AUH: variants seen among roughly 807,000 people sequenced by gnomAD.
AUH encodes methylglutaconyl-CoA hydratase, mitochondrial.
In AUH, 29 loss-of-function variants were observed where a neutral mutation model predicts 42.3. The observed-to-expected ratio is 0.69, with a 90% CI of 0.51 to 0.93. The LOEUF is 0.93. Ranked by LOEUF, AUH falls within the 40% of genes least tolerant of loss-of-function variation. The probability of loss-of-function intolerance (pLI) is 0.00; values close to 1 mark genes in which losing one functional copy is unlikely to be tolerated. For missense variants in AUH, 452 were observed against 438.1 expected, an observed-to-expected ratio of 1.03 and a Z score of -0.28; for synonymous variants, 174 against 166.4, an observed-to-expected ratio of 1.05 and a Z score of -0.35.
At chr9:91,310,207 C>G (rs1445498155) in intron 4 of AUH, among the ~76,000 whole-genome samples, 4 of 152,210 alleles carry the variant, frequency 2.6e-5, no homozygotes, top group African/African-American at 9.7e-5. Context: ...TTCATTCTAT[C>G]ATTCTCAGTC....
intron 1 of AUH, chr9:91,360,205 C>G (rs1303415811): frequency 2.0e-5 from 3 of 152,188 alleles, no homozygotes; most frequent in Non-Finnish European, 4.4e-5. Flanking sequence ...AGTAGCTGTA[C>G]TTGCAATCCC....
intron 6 of AUH, among the ~76,000 whole-genome samples, chr9:91,288,080 G>A (rs1013000720): frequency 6.6e-6 from 1 of 152,004 alleles, no homozygotes; most frequent in Non-Finnish European, 1.5e-5. Flanking sequence ...GGAATTCACA[G>A]AGCAGTGGAA....
chr9:91,229,737 T>G (rs1259875361), intron 6 of AUH, among the ~76,000 whole-genome samples: 2 of 151,996 alleles, frequency 1.3e-5, no homozygotes, highest in African/African-American at 4.8e-5. Flanking sequence ...AGGAGCTCTT[T>G]TAGGGCAGGC....
chr9:91,356,005 G>GAAA, intron 2 of AUH, 35 bp from the exon 3 acceptor site: 2 of 1,367,008 alleles, frequency 1.5e-6, no homozygotes, highest in Non-Finnish European at 1.0e-6. Context: ...AGGAAAAAGA[G>GAAA]AAAAAAAAAA....
intron 8 of AUH, among the ~76,000 whole-genome samples, chr9:91,216,315 G>C (rs764086143): frequency 6.6e-5 from 10 of 152,128 alleles, no homozygotes; most frequent in Non-Finnish European, 1.5e-4. Context: ...TTACCTTGGG[G>C]AAGTTATTTA....
chr9:91,300,168 T>C (rs1236490117), intron 4 of AUH, among the ~76,000 whole-genome samples: 7 of 152,080 alleles, frequency 4.6e-5, no homozygotes, highest in Non-Finnish European at 8.8e-5. Flanking sequence ...TTCCTGCCTT[T>C]CCATCTACCT....
At chr9:91,299,815 C>A (rs1827643617) in intron 4 of AUH, among the ~76,000 whole-genome samples, 1 of 152,124 alleles carries the variant, frequency 6.6e-6, no homozygotes, top group Non-Finnish European at 1.5e-5. Context: ...AAAAACCTGT[C>A]TAGAGATCAT....
intron 6 of AUH, among the ~76,000 whole-genome samples, chr9:91,245,330 A>G (rs1366269534): frequency 6.6e-6 from 1 of 152,200 alleles, no homozygotes; most frequent in South Asian, 2.1e-4. Context: ...CCATGAGAAG[A>G]CAAAGGGGTG....
chr9:91,240,499 G>A (rs774567873), intron 6 of AUH, among the ~76,000 whole-genome samples: 1 of 152,142 alleles, frequency 6.6e-6, no homozygotes, highest in Non-Finnish European at 1.5e-5. Context: ...TAGTAAATTG[G>A]AGTGAAGGCC....
At chr9:91,243,249 T>C (rs1342101278) in intron 6 of AUH, among the ~76,000 whole-genome samples, 1 of 152,220 alleles carries the variant, frequency 6.6e-6, no homozygotes, top group Non-Finnish European at 1.5e-5. Flanking sequence ...ACCAGAAACC[T>C]GAGACCCATA....
chr9:91,250,858 C>T (rs1829087451), intron 6 of AUH, among the ~76,000 whole-genome samples: 1 of 152,212 alleles, frequency 6.6e-6, no homozygotes, highest in African/African-American at 2.4e-5. Context: ...CTGTTTCCTT[C>T]AACTTAGAGA....
intron 3 of AUH, among the ~76,000 whole-genome samples, chr9:91,328,562 T>C (rs940253296): frequency 2.6e-5 from 4 of 152,034 alleles, no homozygotes; most frequent in African/African-American, 7.3e-5. Context: ...TGTAATCTCC[T>C]GGAAGTGGGG....
At chr9:91,347,589 T>C (rs1016958662) in intron 3 of AUH, among the ~76,000 whole-genome samples, 4 of 152,190 alleles carry the variant, frequency 2.6e-5, no homozygotes, top group Non-Finnish European at 4.4e-5. Context: ...AAAAAGCACT[T>C]GGACCATTCA....
chr9:91,314,044 A>C (rs1828947937), intron 4 of AUH, among the ~76,000 whole-genome samples: 1 of 151,998 alleles, frequency 6.6e-6, no homozygotes, highest in Admixed American at 6.5e-5. Context: ...GGCTGGTCTC[A>C]AACTTCTGAC....
At chr9:91,259,905 A>G (rs1829619402) in intron 6 of AUH, among the ~76,000 whole-genome samples, 1 of 152,116 alleles carries the variant, frequency 6.6e-6, no homozygotes, top group South Asian at 2.1e-4. Context: ...AGTTCTCCGA[A>G]AATGTTAGGT....
At chr9:91,237,734 A>G (rs2066205266) in intron 6 of AUH, among the ~76,000 whole-genome samples, 1 of 152,198 alleles carries the variant, frequency 6.6e-6, no homozygotes, top group Non-Finnish European at 1.5e-5. Flanking sequence ...TGACATGACC[A>G]AAATAGTCAT....
At chr9:91,230,769 A>G (rs1032556954) in intron 6 of AUH, among the ~76,000 whole-genome samples, 4 of 152,090 alleles carry the variant, frequency 2.6e-5, no homozygotes, top group Non-Finnish European at 5.9e-5. Context: ...TTTTCCTTCT[A>G]ACAGACAGGA....
At chr9:91,237,262 G>GTCACTGCTGCTCCC (rs1346855266) in intron 6 of AUH, among the ~76,000 whole-genome samples, 2 of 152,226 alleles carry the variant, frequency 1.3e-5, no homozygotes, top group Non-Finnish European at 1.5e-5. Flanking sequence ...AGAGGCAAGA[G>GTCACTGCTGCTCCC]TCACTGCTGC....
intron 6 of AUH, among the ~76,000 whole-genome samples, chr9:91,254,468 C>T (rs761151519): frequency 6.6e-6 from 1 of 152,160 alleles, no homozygotes; most frequent in Admixed American, 6.5e-5. Context: ...ATGTGAACCA[C>T]TGGTTTTGAT....
Sources: gnomAD v4.1 joint callset for allele counts (sites outside exome capture counted in the v4.1 genomes callset) on GRCh38, gnomAD v4.1.1 for gene constraint, MANE v1.5 for transcripts, NCBI Gene and HGNC (gene_info 2026-07-23, HGNC 2026-07-21) for gene names.